TENM1: variants seen among roughly 807,000 people sequenced by gnomAD.
The protein encoded by TENM1 is teneurin transmembrane protein 1.
A neutral mutation model predicts 174.8 loss-of-function variants in TENM1; 35 were observed. The observed-to-expected ratio is 0.20, with a 90% CI of 0.15 to 0.27. The LOEUF (loss-of-function observed/expected upper bound fraction) is 0.27, where lower values mean the gene tolerates loss of function less well. Ranked by LOEUF, TENM1 falls within the 10% of genes least tolerant of loss-of-function variation. The pLI is 1.00. For missense variants in TENM1, 1,633 were observed against 2,130.1 expected (o/e 0.77, Z 4.59); for synonymous variants, 781 against 798.7 (o/e 0.98, Z 0.37).
intron 3 of TENM1, among the ~76,000 whole-genome samples, chrX:124,844,439 C>T (rs951056642): frequency 6.3e-5 from 7 of 111,448 alleles, no homozygotes; most frequent in Admixed American, 3.8e-4. Context: ...GTTCCCCTTC[C>T]GTAACACTGC....
At chrX:124,417,185 C>T (rs1364630136) in intron 25 of TENM1, among the ~76,000 whole-genome samples, 1 of 111,268 alleles carries the variant, frequency 9.0e-6, no homozygotes, top group Non-Finnish European at 1.9e-5. Context: ...TTGCTGGTTC[C>T]TCTTCATACC....
chrX:124,479,437 A>C (rs755425575), intron 22 of TENM1, among the ~76,000 whole-genome samples: 1 of 112,157 alleles, frequency 8.9e-6, no homozygotes, highest in African/African-American at 3.2e-5. Flanking sequence ...AGGATGAGTA[A>C]ATCAAGACAA....
the TENM1 span, among the ~76,000 whole-genome samples, chrX:125,185,655 A>T: frequency 8.9e-6 from 1 of 112,527 alleles, no homozygotes; most frequent in African/African-American, 3.2e-5. Flanking sequence ...TGATAGGTCC[A>T]GAAGTTATGG....
chrX:124,669,821 C>T (rs1036413707), intron 6 of TENM1, among the ~76,000 whole-genome samples: 2 of 112,261 alleles, frequency 1.8e-5, no homozygotes, highest in Non-Finnish European at 3.8e-5. Flanking sequence ...TGTCACAACA[C>T]ATTAAAAATA....
At chrX:124,640,493 G>T (rs1022331493) in intron 11 of TENM1, among the ~76,000 whole-genome samples, 4 of 111,908 alleles carry the variant, frequency 3.6e-5, no homozygotes, top group African/African-American at 1.3e-4. Flanking sequence ...GGCTTTCTAA[G>T]AGTTACCACT....
At chrX:124,676,265 T>TAA in intron 5 of TENM1, among the ~76,000 whole-genome samples, 1 of 6,731 alleles carries the variant, frequency 1.5e-4, no homozygotes, top group African/African-American at 1.2e-3. Flanking sequence ...AAAATATATA[T>TAA]ATATATATAT....
intron 3 of TENM1, among the ~76,000 whole-genome samples, chrX:124,877,036 T>G (rs549092494): frequency 8.9e-6 from 1 of 112,177 alleles, no homozygotes; most frequent in African/African-American, 3.2e-5. Context: ...TCATTCCAGT[T>G]CAAACGAAAA....
chrX:124,689,665 G>A (rs1406891816), intron 5 of TENM1, among the ~76,000 whole-genome samples: 1 of 110,730 alleles, frequency 9.0e-6, no homozygotes, highest in Non-Finnish European at 1.9e-5. Flanking sequence ...TTTCCTATAT[G>A]TAAAGTAGAA....
chrX:124,463,629 C>T (rs1032691308), intron 22 of TENM1, among the ~76,000 whole-genome samples: 1 of 110,995 alleles, frequency 9.0e-6, no homozygotes, highest in South Asian at 3.9e-4. Context: ...GGAAATACTA[C>T]ACTATTAAAT....
chrX:125,196,332 T>C, the TENM1 span, among the ~76,000 whole-genome samples: 1 of 111,645 alleles, frequency 9.0e-6, no homozygotes, highest in African/African-American at 3.2e-5. Context: ...ATAAGTGATG[T>C]ATTCATGTGT....
exon 4 of TENM1, chrX:124,737,114 T>C: frequency 8.3e-7 from 1 of 1,210,345 alleles, no homozygotes; most frequent in Non-Finnish European, 1.1e-6. Flanking sequence ...GGTGGCTTCC[T>C]GGCACAGGTG....
chrX:124,596,021 C>A (rs950411497), intron 11 of TENM1, among the ~76,000 whole-genome samples: 3 of 112,161 alleles, frequency 2.7e-5, no homozygotes, highest in African/African-American at 9.7e-5. Context: ...AATAAGCTTG[C>A]ATGATAATTT....
Position 124,554,271 on chromosome X carries a change from T to C in TENM1, c.2435-7181A>G, listed in dbSNP as rs1053825343. ...AGATTCTTCATTGATAACACACTTTTATTGCCCACTTTAAATGACTGTATT... is the reference window on the plus strand; with the variant it reads ...AGATTCTTCATTGATAACACACTTTCATTGCCCACTTTAAATGACTGTATT... On this transcript the variant is annotated intron_variant, in intron 14 of 31. Coordinates refer to ENST00000422452, the Ensembl canonical transcript of TENM1. Among the ~76,000 whole-genome samples the C allele has an allele frequency of 8.0e-5, 9 of 112,546 alleles. No homozygotes were observed. In the Admixed American group the frequency reaches 8.5e-4, roughly 11 times the overall value.
chrX:124,450,346 C>T lies in TENM1; in HGVS notation c.4104+2991G>A, dbSNP rs758960816. On this transcript the variant is annotated intron_variant, in intron 23 of 31. Transcript: ENST00000422452. The stretch of plus-strand genomic sequence containing the variant: ...CTGCACTCCCGCCTGGGCCACAGAG[C>T]GAGACTCCGTCTCAAAAAAAAAAAA... 1.3e-4 allele frequency among the ~76,000 whole-genome samples: 11 copies of T among 82,615 alleles called. No individual in the cohort carries two copies. The South Asian group carries it at 3.6e-3, about 27-fold the overall frequency. 71.7% of individuals were successfully genotyped at this position (82,615 alleles called of 115,157 possible).
At chrX:124,875,092 G>A (rs180712665) in intron 3 of TENM1, among the ~76,000 whole-genome samples, 33 of 111,219 alleles carry the variant, frequency 3.0e-4, no homozygotes, top group African/African-American at 9.8e-4. Context: ...GTTATTGAAG[G>A]CATGTTAAAA....
At chrX:124,649,950 C>T (rs1250930505) in intron 8 of TENM1, among the ~76,000 whole-genome samples, 1 of 109,893 alleles carries the variant, frequency 9.1e-6, no homozygotes, top group Non-Finnish European at 1.9e-5. Flanking sequence ...GCCTGTAATC[C>T]CAGCAATTTG....
At chrX:124,832,923 C>A (rs2056320068) in intron 3 of TENM1, among the ~76,000 whole-genome samples, 1 of 111,873 alleles carries the variant, frequency 8.9e-6, no homozygotes, top group African/African-American at 3.3e-5. Flanking sequence ...TGCAATAAAC[C>A]TTAGATGTTA....
At chrX:124,650,040 A>G (rs1378596025) in intron 8 of TENM1, among the ~76,000 whole-genome samples, 6 of 108,706 alleles carry the variant, frequency 5.5e-5, no homozygotes, top group Non-Finnish European at 1.1e-4. Flanking sequence ...CGTCTCTACT[A>G]AAAATACAAA....
At chrX:125,116,750 G>A in the TENM1 span, among the ~76,000 whole-genome samples, 34 of 112,217 alleles carry the variant, frequency 3.0e-4, no homozygotes, top group East Asian at 1.7e-3. Flanking sequence ...GGTGGCTCAC[G>A]CCTGTAATCC....
Sources: gnomAD v4.1 joint callset for allele counts (sites outside exome capture counted in the v4.1 genomes callset) on GRCh38, gnomAD v4.1.1 for gene constraint, MANE v1.5 for transcripts, NCBI Gene and HGNC (gene_info 2026-07-23, HGNC 2026-07-21) for gene names.